Variants in ADCY8 observed in about 807,000 individuals in gnomAD.
The protein encoded by ADCY8 is adenylate cyclase 8.
In ADCY8, 51 loss-of-function variants were observed where a neutral mutation model predicts 119.7. The observed-to-expected ratio is 0.43, with a 90% confidence interval of 0.34 to 0.54. ADCY8 has a LOEUF of 0.54. Ranked by LOEUF, ADCY8 falls within the 20% of genes least tolerant of loss-of-function variation. The pLI is 0.03. For synonymous variants in ADCY8, 665 were observed against 651.0 expected (o/e 1.02, Z -0.33); for missense variants, 1,383 against 1,598.8 (o/e 0.87, Z 2.30).
intron 7 of ADCY8, among the ~76,000 whole-genome samples, chr8:130,899,013 G>A (rs1189010827): frequency 6.6e-6 from 1 of 152,152 alleles, no homozygotes; most frequent in Non-Finnish European, 1.5e-5. Flanking sequence ...AGCCCCTTCA[G>A]CTCCATCTGT....
chr8:130,817,720 A>C (rs1490169967), intron 13 of ADCY8, among the ~76,000 whole-genome samples: 1 of 152,228 alleles, frequency 6.6e-6, no homozygotes, highest in African/African-American at 2.4e-5. Flanking sequence ...GTCACCTCTG[A>C]ATGATGCTAG....
chr8:131,019,711 C>T (rs902458340), intron 1 of ADCY8, among the ~76,000 whole-genome samples: 8 of 152,046 alleles, frequency 5.3e-5, no homozygotes, highest in Admixed American at 2.0e-4. Context: ...GCTGAGACTA[C>T]TCAGGTGAGC....
rs117318243 is a variant in ADCY8 at position 130,876,606 on chromosome 8, T to A, written c.2109+7958A>T. On this transcript the variant is annotated intron_variant, in intron 8 of 17. Transcript: ENST00000286355. The stretch of plus-strand genomic sequence containing the variant: ...GAGTTGCCTTTGTTTTCAGGCTACC[T>A]TTATCAAGATTGTGTCTGTTGCCAG... Among the ~76,000 whole-genome samples, 29 of 152,302 alleles carry A rather than the reference T, an allele frequency of 1.9e-4. No individual in the cohort carries two copies. In the East Asian group the frequency reaches 4.8e-3, roughly 25 times the overall value.
chr8:130,916,969 G>A (rs1396700160), intron 5 of ADCY8, among the ~76,000 whole-genome samples: 1 of 152,122 alleles, frequency 6.6e-6, no homozygotes, highest in African/African-American at 2.4e-5. Flanking sequence ...CTCCCCGACC[G>A]AGCTGGTCTT....
chr8:130,831,021 C>T (rs1012257594), intron 12 of ADCY8, among the ~76,000 whole-genome samples: 4 of 152,158 alleles, frequency 2.6e-5, no homozygotes, highest in Non-Finnish European at 5.9e-5. Context: ...ACACTAAATG[C>T]TTTGGAACAA....
intron 9 of ADCY8, among the ~76,000 whole-genome samples, chr8:130,855,405 T>A (rs998317590): frequency 6.6e-6 from 1 of 152,128 alleles, no homozygotes; most frequent in Non-Finnish European, 1.5e-5. Context: ...TCCTTCCTTG[T>A]CAGGATTTTT....
intron 7 of ADCY8, among the ~76,000 whole-genome samples, chr8:130,897,311 C>G (rs1002356546): frequency 2.0e-5 from 3 of 152,068 alleles, no homozygotes; most frequent in Admixed American, 1.3e-4. Flanking sequence ...AAAGTCCCAG[C>G]TGGAATTGGT....
At chr8:130,791,134 C>T (rs532068113) in intron 15 of ADCY8, among the ~76,000 whole-genome samples, 2 of 152,322 alleles carry the variant, frequency 1.3e-5, no homozygotes, top group South Asian at 2.1e-4. Context: ...CCTGCTCTCT[C>T]TCATGAAGCT....
intron 8 of ADCY8, among the ~76,000 whole-genome samples, chr8:130,883,515 T>C (rs977888713): frequency 5.3e-5 from 8 of 152,278 alleles, no homozygotes; most frequent in African/African-American, 1.9e-4. Context: ...AGAAGCTCAT[T>C]GGGAATGCTG....
chr8:130,800,447 C>T lies in ADCY8; in HGVS notation c.3039G>A (p.Glu1013=). The T allele has an allele frequency of 6.2e-7, 1 of 1,614,162 alleles. No individual in the cohort carries two copies. The highest frequency in any genetic ancestry group is 8.5e-7 in the Non-Finnish European group (1 of 1,180,030). The part of the protein sequence containing the change: ...QGVECLRLLN[E]IIADFDELLG... ...TTACCTCATCGAAGTCAGCAATGAT[C>T]TCATTGAGCAAGCGCAGGCATTCCA... The change falls in exon 15 of 18, where the codon GAG becomes GAA. Residue 1013 remains glutamate (E), a synonymous_variant. Transcript: ENST00000286355.
At chr8:130,854,655 T>G (rs1428015392) in intron 9 of ADCY8, among the ~76,000 whole-genome samples, 3 of 152,220 alleles carry the variant, frequency 2.0e-5, no homozygotes, top group African/African-American at 7.2e-5. Flanking sequence ...CTTGGTTAAT[T>G]TAATTTTTAC....
chr8:130,937,354 A>ATAT (rs1820818931), intron 4 of ADCY8, among the ~76,000 whole-genome samples, 154 bp from the exon 5 acceptor site: 1 of 152,206 alleles, frequency 6.6e-6, no homozygotes, highest in Non-Finnish European at 1.5e-5. Context: ...TCTTTCTAAA[A>ATAT]TATTTGAGGT....
Position 131,039,651 on chromosome 8 carries a change from G to C in ADCY8, c.683C>G (p.Ala228Gly), listed in dbSNP as rs1824294003. 6.2e-7 allele frequency: 1 copy of C among 1,614,054 alleles called. No individual in the cohort carries two copies. Among genetic ancestry groups the C allele is most frequent in the South Asian group, 1.1e-5 (1 of 91,090 alleles). The stretch of plus-strand genomic sequence containing the variant: ...GGTGTCCTTCCTGACCACCACCAGG[G>C]CGCAGATCACTACCTCAATGCCGGT... ...FFTGIEVVIC[A>G]LVVVRKDTTS... is the part of the protein sequence containing the mutation. The change falls in exon 1 of 18, where the codon GCC becomes GGC. Residue 228 changes from alanine to glycine, a missense_variant. Physicochemically the swap from Ala to Gly is moderately conservative, Grantham distance 60. This residue lies in a region of ADCY8 where 455 missense variants were observed against 435.3 expected (regional missense o/e 1.05). Transcript: ENST00000286355.
At chr8:130,817,418 CA>C (rs1468342887) in intron 13 of ADCY8, among the ~76,000 whole-genome samples, 1 of 152,112 alleles carries the variant, frequency 6.6e-6, no homozygotes, top group African/African-American at 2.4e-5. Context: ...TCAGTTCCTA[CA>C]AAAAAATTCC....
At chr8:130,846,321 C>G (rs976585038) in intron 11 of ADCY8, among the ~76,000 whole-genome samples, 4 of 152,132 alleles carry the variant, frequency 2.6e-5, no homozygotes, top group Non-Finnish European at 5.9e-5. Context: ...ACCCCATAGG[C>G]TGACCCCAAG....
intron 15 of ADCY8, 106 bp from the exon 16 acceptor site, chr8:130,785,581 C>T (rs1815225289): frequency 4.5e-6 from 3 of 659,382 alleles, no homozygotes; most frequent in Admixed American, 3.1e-5. Context: ...TCTGATGGTT[C>T]AATATCCTCT....
At chr8:130,835,629 C>T (rs1269382858) in intron 12 of ADCY8, among the ~76,000 whole-genome samples, 2 of 152,020 alleles carry the variant, frequency 1.3e-5, no homozygotes, top group African/African-American at 4.8e-5. Context: ...ATACGTTTGT[C>T]CCTTGGTATC....
At chr8:130,824,752 A>T (rs1816622833) in intron 12 of ADCY8, among the ~76,000 whole-genome samples, 1 of 152,210 alleles carries the variant, frequency 6.6e-6, no homozygotes, top group African/African-American at 2.4e-5. Flanking sequence ...TAATTTGTGG[A>T]CCCACTGTAA....
intron 16 of ADCY8, among the ~76,000 whole-genome samples, chr8:130,784,075 A>G (rs1198933469): frequency 1.3e-5 from 2 of 151,954 alleles, no homozygotes; most frequent in South Asian, 4.1e-4. Context: ...TGTAGCATCA[A>G]TTCCGTAGTG....
Sources: allele counts gnomAD v4.1 joint callset (sites outside exome capture counted in the v4.1 genomes callset), GRCh38; gene constraint gnomAD v4.1.1; regional missense constraint gnomAD v4.1.1; transcripts MANE v1.5; gene names NCBI Gene and HGNC (gene_info 2026-07-23, HGNC 2026-07-21).